Variants in IKZF2 observed in about 807,000 individuals in gnomAD.
IKZF2 encodes zinc finger protein Helios.
A neutral mutation model predicts 49.2 loss-of-function variants in IKZF2; 15 were observed. The observed-to-expected ratio is 0.30, with a 90% CI of 0.20 to 0.47. IKZF2 has a LOEUF of 0.47. IKZF2 is among the 20% of genes least tolerant of loss of function. The probability of loss-of-function intolerance (pLI) is 1.00; values close to 1 mark genes in which losing one functional copy is unlikely to be tolerated. For synonymous variants in IKZF2, 227 were observed against 221.4 expected, an observed-to-expected ratio of 1.03 and a Z score of -0.23; for missense variants, 567 against 664.6, an observed-to-expected ratio of 0.85 and a Z score of 1.61.
intron 4 of IKZF2, among the ~76,000 whole-genome samples, chr2:213,098,469 C>T (rs1201727923): frequency 6.6e-6 from 1 of 152,008 alleles, no homozygotes; most frequent in African/African-American, 2.4e-5. Context: ...CAAATGATCA[C>T]CCTTACTAAT....
chr2:213,070,804 C>G (rs1389855056), intron 4 of IKZF2, among the ~76,000 whole-genome samples: 7 of 152,046 alleles, frequency 4.6e-5, no homozygotes, highest in Non-Finnish European at 7.4e-5. Context: ...GTGTCCAGGT[C>G]TCTCAAAATA....
chr2:213,022,209 T>C, intron 6 of IKZF2, 79 bp from the exon 7 acceptor site: 1 of 1,336,692 alleles, frequency 7.5e-7, no homozygotes, highest in Non-Finnish European at 1.0e-6. Flanking sequence ...CTTTTGATAG[T>C]CTGGAGGAAG....
At chr2:213,126,639 A>G (rs975874508) in intron 4 of IKZF2, among the ~76,000 whole-genome samples, 1 of 152,218 alleles carries the variant, frequency 6.6e-6, no homozygotes, top group Non-Finnish European at 1.5e-5. Flanking sequence ...CATTTGAAAT[A>G]GTTTTAAATA....
At position 213,000,876 on chromosome 2, in the gene IKZF2, T is replaced by G. The variant is rs1014940926; in HGVS notation, c.*6484A>C. 3 of 151,582 alleles carry G rather than the reference T, an allele frequency of 2.0e-5. No homozygotes were observed. The highest frequency in any genetic ancestry group is 6.6e-5 in the Admixed American group (1 of 15,170). The allele number at this position is 151,582 out of a possible 1,614,324, so 9.4% of individuals were successfully genotyped here. ...AAAAGTTCAACTTTAGGACACATTT[T>G]TCAAGCAAAAGATTACTAATTTCCA... On this transcript the variant is annotated 3_prime_UTR_variant, in exon 9 of 9. Coordinates refer to ENST00000434687, the MANE Select transcript of IKZF2 (RefSeq NM_001387220.1).
At chr2:213,035,619 T>G (rs930616314) in intron 6 of IKZF2, among the ~76,000 whole-genome samples, 1 of 152,172 alleles carries the variant, frequency 6.6e-6, no homozygotes, top group Non-Finnish European at 1.5e-5. Flanking sequence ...GCTGAAGGTG[T>G]TGACTTCTAG....
intron 4 of IKZF2, among the ~76,000 whole-genome samples, chr2:213,066,667 T>A (rs1702195082): frequency 6.6e-6 from 1 of 152,078 alleles, no homozygotes; most frequent in African/African-American, 2.4e-5. Flanking sequence ...CAGTGCCAGA[T>A]ACTTATTTTC....
At position 213,123,396 on chromosome 2, in the gene IKZF2, T is replaced by C. The variant is rs1174202391; in HGVS notation, c.139+24312A>G. 2.6e-5 allele frequency among the ~76,000 whole-genome samples: 4 copies of C among 152,200 alleles called. 1 individual carries two copies. The highest frequency in any genetic ancestry group is 7.2e-5 in the African/African-American group (3 of 41,452). On this transcript the variant is annotated intron_variant, in intron 4 of 8. Transcript: ENST00000434687. ...TATATGTAAATGGAAACATAAGCAATGGATTTCTGTTTCCAAAATAGGCAT... is the reference window on the plus strand; with the variant it reads ...TATATGTAAATGGAAACATAAGCAACGGATTTCTGTTTCCAAAATAGGCAT...
intron 8 of IKZF2, among the ~76,000 whole-genome samples, chr2:213,013,396 G>A (rs985262087): frequency 5.3e-5 from 4 of 75,792 alleles, no homozygotes; most frequent in Admixed American, 3.5e-4. Flanking sequence ...AGGCATAAAT[G>A]TTAATAGGTT....
At chr2:213,093,890 T>C (rs967001465) in intron 4 of IKZF2, among the ~76,000 whole-genome samples, 1 of 152,152 alleles carries the variant, frequency 6.6e-6, no homozygotes, top group Non-Finnish European at 1.5e-5. Context: ...TTATAAGACA[T>C]AAGCTGCTAT....
At chr2:213,143,180 G>T (rs576574812) in intron 4 of IKZF2, among the ~76,000 whole-genome samples, 242 of 152,060 alleles carry the variant, frequency 1.6e-3, no homozygotes, top group Middle Eastern at 6.8e-3. Context: ...GGAACCCAGA[G>T]ATGAAAATTC....
intron 6 of IKZF2, among the ~76,000 whole-genome samples, chr2:213,048,902 T>G (rs951467882): frequency 2.6e-5 from 4 of 152,004 alleles, no homozygotes; most frequent in Non-Finnish European, 5.9e-5. Flanking sequence ...AAATTAAAAT[T>G]TAGTATGTCA....
chr2:213,081,237 C>T (rs1205565340), intron 4 of IKZF2: 3 of 149,992 alleles, frequency 2.0e-5, no homozygotes, highest in African/African-American at 7.5e-5. Context: ...AAGGTAGGTA[C>T]ACTGAAATCA....
intron 6 of IKZF2, among the ~76,000 whole-genome samples, chr2:213,049,298 T>A (rs968503523): frequency 2.6e-5 from 4 of 152,028 alleles, no homozygotes; most frequent in African/African-American, 9.7e-5. Context: ...TCCACAGAGA[T>A]CCCAGCCTGA....
intron 4 of IKZF2, among the ~76,000 whole-genome samples, chr2:213,069,847 T>A (rs918425323): frequency 1.3e-5 from 2 of 152,150 alleles, no homozygotes; most frequent in African/African-American, 4.8e-5. Context: ...AAGAGTAAGC[T>A]GTTTTTTTCT....
Position 213,096,491 on chromosome 2 carries a change from C to T in IKZF2, c.140-39392G>A, listed in dbSNP as rs146089790. Among the ~76,000 whole-genome samples, 1,299 of 151,870 alleles carry T rather than the reference C, an allele frequency of 8.6e-3. 22 individuals carry two copies. Among genetic ancestry groups the T allele is most frequent in the African/African-American group, 0.03 (1,235 of 41,488 alleles). The stretch of plus-strand genomic sequence containing the variant: ...AATGTATGGATGTATATATAATATA[C>T]TATAAAGTATTTACCTCTCTATAAT... On this transcript the variant is annotated intron_variant, in intron 4 of 8. Transcript: ENST00000434687.
chr2:213,111,407 T>C (rs1243188846), intron 4 of IKZF2, among the ~76,000 whole-genome samples: 1 of 152,062 alleles, frequency 6.6e-6, no homozygotes, highest in African/African-American at 2.4e-5. Context: ...ATTTAAATAT[T>C]GGCATGTTAA....
rs918825365 is a variant in IKZF2, at chr2:213,001,549, T to C, written c.*5811A>G. On this transcript the variant is annotated 3_prime_UTR_variant, in exon 9 of 9. Coordinates refer to ENST00000434687, the MANE Select transcript of IKZF2 (RefSeq NM_001387220.1). ...ACTATTTTTAATCCAACCACTTTTC[T>C]TTTTAATAGAAAACTACACTTGAGT... 3.3e-5 allele frequency: 5 copies of C among 151,526 alleles called. No homozygotes were observed. Among genetic ancestry groups the C allele is most frequent in the African/African-American group, 1.2e-4 (5 of 41,386 alleles). The allele number at this position is 151,526 out of a possible 1,614,324, so 9.4% of individuals were successfully genotyped here. A position where few individuals can be genotyped will look rare whatever the true frequency, so the allele number is the denominator to read the frequency against.
At chr2:213,071,919 C>T (rs933310282) in intron 4 of IKZF2, among the ~76,000 whole-genome samples, 1 of 152,026 alleles carries the variant, frequency 6.6e-6, no homozygotes, top group Non-Finnish European at 1.5e-5. Flanking sequence ...GAAACACACA[C>T]ATACACACAC....
chr2:213,054,290 T>C (rs1559212752), intron 5 of IKZF2, among the ~76,000 whole-genome samples: 1 of 152,050 alleles, frequency 6.6e-6, no homozygotes, highest in Non-Finnish European at 1.5e-5. Context: ...AACACTAAAA[T>C]ATATGTTTCT....
Sources: gnomAD v4.1 joint callset for allele counts (sites outside exome capture counted in the v4.1 genomes callset) on GRCh38, gnomAD v4.1.1 for gene constraint, MANE v1.5 for transcripts, NCBI Gene and HGNC (gene_info 2026-07-23, HGNC 2026-07-21) for gene names.